LRMDA: variants seen among roughly 807,000 people sequenced by gnomAD.
The protein encoded by LRMDA is leucine-rich melanocyte differentiation-associated protein.
A neutral mutation model predicts 29.8 loss-of-function variants in LRMDA; 18 were observed. That is an observed-to-expected ratio of 0.60 (90% CI 0.42 to 0.90). LRMDA has a LOEUF of 0.90. Ranked by LOEUF, LRMDA falls within the 40% of genes least tolerant of loss-of-function variation. The pLI is 0.00. For missense variants in LRMDA, 273 were observed against 273.9 expected (o/e 1.00, Z 0.02); for synonymous variants, 125 against 109.4 (o/e 1.14, Z -0.89).
intron 6 of LRMDA, among the ~76,000 whole-genome samples, chr10:76,524,181 C>A (rs1302319082): frequency 6.6e-6 from 1 of 152,074 alleles, no homozygotes. Flanking sequence ...GTTTAATGGA[C>A]TAAATATTTT....
intron 5 of LRMDA, among the ~76,000 whole-genome samples, chr10:76,226,074 G>C (rs377123716): frequency 0.013 from 2,021 of 152,106 alleles, 43 homozygotes; most frequent in African/African-American, 0.042. Flanking sequence ...TTTTATGGCT[G>C]CATAGTATTC....
At chr10:76,222,368 C>T (rs969486434) in intron 5 of LRMDA, among the ~76,000 whole-genome samples, 7 of 152,146 alleles carry the variant, frequency 4.6e-5, no homozygotes, top group Admixed American at 1.3e-4. Context: ...GCAACCTACT[C>T]ATCTGACAAA....
intron 2 of LRMDA, among the ~76,000 whole-genome samples, chr10:75,494,390 C>T (rs1845021941): frequency 6.6e-6 from 1 of 152,032 alleles, no homozygotes; most frequent in Admixed American, 6.6e-5. Context: ...GTTGAAACAA[C>T]TTCCTAAAGA....
chr10:75,788,641 C>T (rs1447070930), intron 2 of LRMDA, among the ~76,000 whole-genome samples: 3 of 152,164 alleles, frequency 2.0e-5, no homozygotes, highest in African/African-American at 7.2e-5. Context: ...AGTTTTTACA[C>T]AAGAGAAAAT....
intron 2 of LRMDA, among the ~76,000 whole-genome samples, chr10:75,768,625 C>T (rs973621789): frequency 6.6e-6 from 1 of 152,164 alleles, no homozygotes; most frequent in African/African-American, 2.4e-5. Context: ...TCCTTTTCTC[C>T]AAATGCGGTC....
intron 2 of LRMDA, among the ~76,000 whole-genome samples, chr10:75,863,924 C>A (rs187891406): frequency 6.6e-6 from 1 of 152,264 alleles, no homozygotes; most frequent in East Asian, 1.9e-4. Context: ...AAATTTTGGG[C>A]CTGCCATTAG....
intron 6 of LRMDA, among the ~76,000 whole-genome samples, chr10:76,334,874 G>T (rs1239383145): frequency 2.0e-5 from 3 of 152,170 alleles, no homozygotes; most frequent in Non-Finnish European, 4.4e-5. Context: ...AAAAGAAGCT[G>T]TGGGCTCTGC....
chr10:75,783,704 C>T (rs1843423534), intron 2 of LRMDA, among the ~76,000 whole-genome samples: 1 of 152,072 alleles, frequency 6.6e-6, no homozygotes, highest in Non-Finnish European at 1.5e-5. Context: ...TCATTAGTTA[C>T]CTTGGGTGGA....
At chr10:75,723,399 C>T (rs7906018) in intron 2 of LRMDA, among the ~76,000 whole-genome samples, 16 of 152,310 alleles carry the variant, frequency 1.1e-4, no homozygotes, top group South Asian at 2.1e-4. Flanking sequence ...TCTTTGATAC[C>T]GTTAGCTTTT....
intron 2 of LRMDA, among the ~76,000 whole-genome samples, chr10:75,702,388 G>A (rs948699632): frequency 1.3e-5 from 2 of 152,152 alleles, no homozygotes; most frequent in African/African-American, 4.8e-5. Flanking sequence ...TAGCATAGTA[G>A]CTGGCACCTA....
chr10:76,447,684 A>G (rs144178928), intron 6 of LRMDA, among the ~76,000 whole-genome samples: 2 of 152,152 alleles, frequency 1.3e-5, no homozygotes, highest in African/African-American at 4.8e-5. Context: ...TCACATGTAC[A>G]TGGTGATATA....
At chr10:75,560,283 C>T (rs1293103271) in intron 2 of LRMDA, among the ~76,000 whole-genome samples, 20 of 149,926 alleles carry the variant, frequency 1.3e-4, no homozygotes, top group South Asian at 4.2e-4. Context: ...GTATTTTATT[C>T]TCTTTGAAAC....
intron 2 of LRMDA, among the ~76,000 whole-genome samples, chr10:75,949,687 A>AG (rs1263727733): frequency 6.6e-6 from 1 of 152,106 alleles, no homozygotes; most frequent in Non-Finnish European, 1.5e-5. Flanking sequence ...CTCGATTTGG[A>AG]GCTTGTGATG....
chr10:75,641,196 G>A (rs1397385144), intron 2 of LRMDA, among the ~76,000 whole-genome samples: 1 of 152,162 alleles, frequency 6.6e-6, no homozygotes, highest in African/African-American at 2.4e-5. Flanking sequence ...TAAGGGAGGA[G>A]AAAGGGCCAG....
At chr10:76,509,708 T>A (rs2132350510) in intron 6 of LRMDA, among the ~76,000 whole-genome samples, 1 of 152,348 alleles carries the variant, frequency 6.6e-6, no homozygotes, top group South Asian at 2.1e-4. Flanking sequence ...AGAGGCTGTC[T>A]GTGTGAAGGC....
At chr10:75,499,355 T>C (rs1170357988) in intron 2 of LRMDA, among the ~76,000 whole-genome samples, 3 of 152,120 alleles carry the variant, frequency 2.0e-5, no homozygotes, top group East Asian at 1.9e-4. Context: ...GGGAACAATA[T>C]GTGGACTAGT....
At chr10:76,083,593 C>T (rs1849082023) in intron 5 of LRMDA, among the ~76,000 whole-genome samples, 1 of 152,128 alleles carries the variant, frequency 6.6e-6, no homozygotes, top group Non-Finnish European at 1.5e-5. Context: ...CTTTGGGAGG[C>T]CAAGGTGGGT....
intron 6 of LRMDA, among the ~76,000 whole-genome samples, chr10:76,493,985 A>G (rs934346262): frequency 1.3e-5 from 2 of 151,958 alleles, no homozygotes; most frequent in African/African-American, 2.4e-5. Flanking sequence ...TTGCTTTTAT[A>G]TGTACCTTTA....
intron 6 of LRMDA, among the ~76,000 whole-genome samples, chr10:76,404,044 C>G (rs968881325): frequency 1.3e-5 from 2 of 152,028 alleles, no homozygotes; most frequent in African/African-American, 4.8e-5. Flanking sequence ...CCCCCTTCAC[C>G]CAATTGCCCA....
Sources: allele counts gnomAD v4.1 joint callset (sites outside exome capture counted in the v4.1 genomes callset), GRCh38; gene constraint gnomAD v4.1.1; transcripts MANE v1.5; gene names NCBI Gene and HGNC (gene_info 2026-07-23, HGNC 2026-07-21).